The following PRKD3 variants were observed in gnomAD, a reference collection of about 807,000 sequenced individuals.
The protein encoded by PRKD3 is serine/threonine-protein kinase D3.
In PRKD3, 47 loss-of-function variants were observed where a neutral mutation model predicts 99.2. The ratio of observed to expected loss-of-function variants is 0.47; its 90% confidence interval spans 0.38 to 0.60. PRKD3 has a LOEUF of 0.60. PRKD3 is among the 20% of genes least tolerant of loss of function. The pLI is 0.00. For missense variants in PRKD3, 1,019 were observed against 1,088.4 expected (o/e 0.94, Z 0.90); for synonymous variants, 392 against 355.4 (o/e 1.10, Z -1.16).
intron 18 of PRKD3, among the ~76,000 whole-genome samples, chr2:37,253,955 C>T (rs1414549947): frequency 6.6e-6 from 1 of 152,114 alleles, no homozygotes; most frequent in Admixed American, 6.5e-5. Flanking sequence ...ACTAATCTTA[C>T]AAAAAGGTGA....
At chr2:37,260,884 C>T (rs1163021194) in intron 14 of PRKD3, among the ~76,000 whole-genome samples, 1 of 152,162 alleles carries the variant, frequency 6.6e-6, no homozygotes, top group African/African-American at 2.4e-5. Context: ...TCTCTACCCA[C>T]ATTATCATGT....
At chr2:37,260,174 A>C in intron 15 of PRKD3, 49 bp downstream of exon 15, 1 of 1,517,226 alleles carries the variant, frequency 6.6e-7, no homozygotes, top group Non-Finnish European at 9.0e-7. Context: ...TAAAAAAAAA[A>C]AAATTAGTTT....
At chr2:37,324,402 T>C (rs1672026114) in intron 1 of PRKD3, 1 of 171,042 alleles carries the variant, frequency 5.8e-6, no homozygotes, top group Non-Finnish European at 1.2e-5. Flanking sequence ...ACTTGGCCCC[T>C]CTGGCGGCTG....
In PRKD3 at chr2:37,282,568, C is replaced by T; in HGVS notation, c.962G>A (p.Cys321Tyr). 6.2e-7 allele frequency: 1 copy of T among 1,600,028 alleles called. No homozygotes were observed. The highest frequency in any genetic ancestry group is 8.6e-7 in the Non-Finnish European group (1 of 1,167,388). The change falls in exon 7 of 19, where the codon TGC becomes TAC. Residue 321 changes from cysteine to tyrosine, a missense_variant. By Grantham distance (194) the Cys-to-Tyr change is radical (BLOSUM62 -2). Transcript: ENST00000234179. ...TCCATTGAAAGTAACCTCTCCAAGG[C>T]AGTCTCTTGGTACTTTTGATGCACA... ...KRCASKVPRD[C>Y]LGEVTFNGEP...
In PRKD3 at chr2:37,289,342, CT is replaced by C. The variant is rs1670277400; in HGVS notation, c.717+13del. ...TAACTACTACTAAAATGTCTATTAC[CT>C]TAGAATACGTACCTCTTCACTGGGA... On this transcript the variant is annotated intron_variant, in intron 5 of 18. Transcript: ENST00000234179. 6.2e-7 allele frequency: 1 copy of C among 1,612,846 alleles called. No individual in the cohort carries two copies. The highest frequency in any genetic ancestry group is 2.2e-5 in the East Asian group (1 of 44,864).
intron 17 of PRKD3, 67 bp from the exon 18 acceptor site, chr2:37,254,356 C>G (rs1667765812): frequency 1.6e-6 from 2 of 1,254,570 alleles, no homozygotes; most frequent in South Asian, 1.2e-5. Context: ...TTGTGACTGC[C>G]TAGAAGGCAG....
intron 14 of PRKD3, among the ~76,000 whole-genome samples, chr2:37,261,289 C>T (rs1668420874): frequency 6.6e-6 from 1 of 151,520 alleles, no homozygotes; most frequent in Non-Finnish European, 1.5e-5. Flanking sequence ...GAGTTCGAGA[C>T]CAGCGTAGCA....
At chr2:37,281,581 C>T (rs983715342) in intron 7 of PRKD3, among the ~76,000 whole-genome samples, 3 of 152,104 alleles carry the variant, frequency 2.0e-5, no homozygotes, top group African/African-American at 7.2e-5. Context: ...AGGAAACGGA[C>T]CCCCCTCACC....
chr2:37,322,738 C>G (rs916592541), intron 1 of PRKD3, among the ~76,000 whole-genome samples: 5 of 152,174 alleles, frequency 3.3e-5, no homozygotes, highest in Admixed American at 1.3e-4. Context: ...TCAAGTTTTT[C>G]CTGAGAGGGC....
At chr2:37,306,087 A>T (rs1202142780) in intron 2 of PRKD3, among the ~76,000 whole-genome samples, 1 of 150,314 alleles carries the variant, frequency 6.7e-6, no homozygotes, top group African/African-American at 2.4e-5. Flanking sequence ...TTTTTTTTAA[A>T]CATACTACAC....
At chr2:37,270,124 G>A (rs1029680391) in intron 12 of PRKD3, among the ~76,000 whole-genome samples, 5 of 152,072 alleles carry the variant, frequency 3.3e-5, no homozygotes, top group African/African-American at 1.2e-4. Flanking sequence ...CTACTCGGGA[G>A]GCTGAGGCAG....
chr2:37,254,040 A>G (rs1667738529), intron 18 of PRKD3, among the ~76,000 whole-genome samples, 164 bp downstream of exon 18: 1 of 152,214 alleles, frequency 6.6e-6, no homozygotes, highest in Admixed American at 6.5e-5. Context: ...GTCATTACCG[A>G]TCTGAATGCT....
At chr2:37,311,953 C>T (rs771232389) in intron 2 of PRKD3, among the ~76,000 whole-genome samples, 2 of 152,202 alleles carry the variant, frequency 1.3e-5, no homozygotes, top group Admixed American at 6.5e-5. Flanking sequence ...CAAATCAAGT[C>T]CACATTTAAA....
At chr2:37,320,077 T>A (rs1393922774) in intron 1 of PRKD3, among the ~76,000 whole-genome samples, 1 of 152,252 alleles carries the variant, frequency 6.6e-6, no homozygotes, top group African/African-American at 2.4e-5. Flanking sequence ...CTTTACTTTA[T>A]GCTAAACACA....
In PRKD3 at chr2:37,324,668, G is replaced by A. The variant is rs1672046281; in HGVS notation, c.-656+13C>T. ...TCGGTGTCTGTTCAGCGCTCCCCGA[G>A]GCGACTACTTACAGTGGCAGGCTCG... On this transcript the variant is annotated intron_variant, in intron 1 of 18. Transcript: ENST00000234179. 1.3e-5 allele frequency: 2 copies of A among 151,296 alleles called. No homozygotes were observed. The highest frequency in any genetic ancestry group is 2.4e-5 in the African/African-American group (1 of 41,320). 9.4% of individuals were successfully genotyped at this position (151,296 alleles called of 1,614,324 possible).
intron 7 of PRKD3, among the ~76,000 whole-genome samples, chr2:37,280,290 C>T (rs1248005739): frequency 2.6e-5 from 4 of 152,032 alleles, no homozygotes; most frequent in Non-Finnish European, 5.9e-5. Context: ...GGGGATCCAC[C>T]CACTTCGGCC....
intron 15 of PRKD3, 65 bp downstream of exon 15, chr2:37,260,155 CTCT>C (rs1668305665): frequency 7.1e-7 from 1 of 1,404,518 alleles, no homozygotes; most frequent in Non-Finnish European, 9.8e-7. Context: ...CAGAGTAAGA[CTCT>C]TGTCTTAAAA....
Position 37,279,896 on chromosome 2 carries a change from G to C in PRKD3, c.1022C>G (p.Pro341Arg). 2 of 1,611,596 alleles carry C rather than the reference G, an allele frequency of 1.2e-6. No homozygotes were observed. Among genetic ancestry groups the C allele is most frequent in the Non-Finnish European group, 1.7e-6 (2 of 1,178,794 alleles). Residue 341 changes from proline (P) to arginine (R), a missense_variant, in exon 8 of 19, where the codon CCA becomes CGA. Physicochemically the swap from Pro to Arg is moderately radical, Grantham distance 103 (BLOSUM62 -2). This residue lies in a region of PRKD3 where 710 missense variants were observed against 692.7 expected (regional missense o/e 1.02). Transcript: ENST00000234179. ...TATGTCATTATTGTCAATATCCATT[G>C]GTATATCTGTATCTGTTCCCAGACT... ...PSSLGTDTDI[P>R]MDIDNNDINS...
At chr2:37,262,474 T>A (rs1448585780) in intron 14 of PRKD3, among the ~76,000 whole-genome samples, 1 of 152,236 alleles carries the variant, frequency 6.6e-6, no homozygotes, top group African/African-American at 2.4e-5. Flanking sequence ...CTAATCATTT[T>A]AAACCCATTT....
Sources: gnomAD v4.1 joint callset for allele counts (sites outside exome capture counted in the v4.1 genomes callset) on GRCh38, gnomAD v4.1.1 for gene constraint, gnomAD v4.1.1 regional missense constraint, MANE v1.5 for transcripts, NCBI Gene and HGNC (gene_info 2026-07-23, HGNC 2026-07-21) for gene names.